A1CF: variants seen among roughly 807,000 people sequenced by gnomAD.
A1CF encodes the protein APOBEC-1 stimulating protein.
A1CF carries 48 observed loss-of-function variants against 68.9 expected under a neutral mutation model. The observed-to-expected ratio is 0.70, with a 90% CI of 0.55 to 0.89. A1CF has a LOEUF of 0.89. Ranked by LOEUF, A1CF falls within the 40% of genes least tolerant of loss-of-function variation. The pLI is 0.00. For missense variants in A1CF, 653 were observed against 718.9 expected (o/e 0.91, Z 1.05); for synonymous variants, 272 against 260.4 (o/e 1.04, Z -0.43).
In A1CF at chr10:50,800,545, G is replaced by A. The variant is rs1837557437; in HGVS notation, c.*6184C>T. The A allele has an allele frequency of 6.6e-6, 1 of 152,132 alleles. No individual in the cohort carries two copies. Among genetic ancestry groups the A allele is most frequent in the Non-Finnish European group, 1.5e-5 (1 of 68,022 alleles). The allele number at this position is 152,132 out of a possible 1,614,324, so 9.4% of individuals were successfully genotyped here. A position where few individuals can be genotyped will look rare whatever the true frequency, so the allele number is the denominator to read the frequency against. ...CATGGGACTGTGTGCCCCAATTAAA[G>A]AGAGAAGTAGGAAATATATGTATTT... On this transcript the variant is annotated 3_prime_UTR_variant, in exon 13 of 13. Transcript: ENST00000373997.
chr10:50,836,895 T>A (rs1041086682), intron 5 of A1CF, among the ~76,000 whole-genome samples: 1 of 152,086 alleles, frequency 6.6e-6, no homozygotes, highest in Non-Finnish European at 1.5e-5. Flanking sequence ...CTGCATAGCA[T>A]CTGCTTTCTT....
At chr10:50,841,821 A>G in intron 5 of A1CF, 41 bp downstream of exon 5, 2 of 1,606,486 alleles carry the variant, frequency 1.2e-6, no homozygotes, top group Non-Finnish European at 1.7e-6. Flanking sequence ...ACACAGGTGC[A>G]TTGTTTGTTT....
rs149386120 is a variant in A1CF, at chr10:50,829,891, G to T, written c.605-1596C>A. On this transcript the variant is annotated intron_variant, in intron 6 of 12. Coordinates refer to ENST00000373997, the MANE Select transcript of A1CF (RefSeq NM_014576.4). ...TGCAAAAATAGATGATTAAATTTTT[G>T]CATTTTTCCTTCCCATCTTTTTAAA... Among the ~76,000 whole-genome samples, 270 of 152,160 alleles carry T rather than the reference G, an allele frequency of 1.8e-3. 2 individuals are homozygous for T. Among genetic ancestry groups the T allele is most frequent in the Admixed American group, 2.6e-3 (39 of 15,274 alleles).
chr10:50,817,513 A>T (rs1838427626), intron 8 of A1CF, among the ~76,000 whole-genome samples: 1 of 152,192 alleles, frequency 6.6e-6, no homozygotes, highest in African/African-American at 2.4e-5. Flanking sequence ...GTGTCAAATA[A>T]GTTAGATGGA....
chr10:50,879,035 G>A (rs1841651809), intron 1 of A1CF, among the ~76,000 whole-genome samples: 1 of 152,080 alleles, frequency 6.6e-6, no homozygotes, highest in African/African-American at 2.4e-5. Flanking sequence ...ACAGGGCTTT[G>A]CCAGGCTAGT....
At chr10:50,878,079 G>A (rs551308975) in intron 1 of A1CF, among the ~76,000 whole-genome samples, 3 of 152,066 alleles carry the variant, frequency 2.0e-5, no homozygotes, top group African/African-American at 4.8e-5. Flanking sequence ...CTGAGATCAC[G>A]CTACTACACT....
chr10:50,835,807 C>G (rs544463304), intron 6 of A1CF, among the ~76,000 whole-genome samples: 2 of 147,324 alleles, frequency 1.4e-5, no homozygotes, highest in South Asian at 4.1e-4. Flanking sequence ...TAAGAAGACT[C>G]TTTATTCATC....
At chr10:50,818,931 C>T (rs535648031) in intron 8 of A1CF, among the ~76,000 whole-genome samples, 1 of 152,224 alleles carries the variant, frequency 6.6e-6, no homozygotes, top group Admixed American at 6.5e-5. Context: ...GCTCTCTGCT[C>T]TGGGAAGCTG....
At chr10:50,837,226 A>G (rs572767912) in intron 5 of A1CF, among the ~76,000 whole-genome samples, 2 of 152,330 alleles carry the variant, frequency 1.3e-5, no homozygotes, top group East Asian at 3.9e-4. Context: ...AAGAAATAAA[A>G]AGACTTGCTT....
rs556621217 is a variant in A1CF at position 50,843,138 on chromosome 10, G to A, written c.234+850C>T. 1.1e-4 allele frequency among the ~76,000 whole-genome samples: 16 copies of A among 152,262 alleles called. No individual in the cohort carries two copies. In the South Asian group the frequency reaches 1.5e-3, roughly 14 times the overall value. The stretch of plus-strand genomic sequence containing the variant: ...CAGCCTTACCCTAGCCCACCCTCAC[G>A]TATTCAGTAATGAACACCTATTTCT... On this transcript the variant is annotated intron_variant, in intron 4 of 12. Coordinates refer to ENST00000373997, the MANE Select transcript of A1CF (RefSeq NM_014576.4).
chr10:50,879,389 A>G lies in A1CF; in HGVS notation c.-94+6192T>C, dbSNP rs575162632. Among the ~76,000 whole-genome samples the G allele has an allele frequency of 5.3e-5, 8 of 152,278 alleles. No homozygotes were observed. The South Asian group carries it at 6.2e-4, about 12-fold the overall frequency. On this transcript the variant is annotated intron_variant, in intron 1 of 12. Transcript: ENST00000373997. ...TCACAATTACTTTTTATTTTTATCA[A>G]TGCCTCCATGGTTTATCCTGTCACT...
In A1CF at chr10:50,806,785, C is replaced by T. The variant is rs147929533; in HGVS notation, c.1705G>A (p.Glu569Lys). ...GQDLAAYTTYEVYPTFAVTAR... is the reference protein window; with the variant it reads ...GQDLAAYTTYKVYPTFAVTAR... Reference sequence around the variant, plus strand: ...GTCACTGCAAAAGTTGGGTAGACCTCATAGGTTGTATATGCTGCTAAGTCT... The same window carrying T: ...GTCACTGCAAAAGTTGGGTAGACCTTATAGGTTGTATATGCTGCTAAGTCT... The change falls in exon 13 of 13, where the codon GAG becomes AAG. Residue 569 changes from glutamate to lysine, a missense_variant. Coordinates refer to ENST00000373997, the MANE Select transcript of A1CF (RefSeq NM_014576.4). 4 of 1,613,136 alleles carry T rather than the reference C, an allele frequency of 2.5e-6. No homozygotes were observed. The African/African-American group carries it at 4.0e-5, about 16-fold the overall frequency.
At chr10:50,874,147 C>A (rs1009840823) in intron 1 of A1CF, among the ~76,000 whole-genome samples, 1 of 152,140 alleles carries the variant, frequency 6.6e-6, no homozygotes, top group Admixed American at 6.5e-5. Context: ...GTTACCTTAA[C>A]TCTTAGGAAA....
intron 8 of A1CF, among the ~76,000 whole-genome samples, 176 bp downstream of exon 8, chr10:50,820,376 A>C (rs1413739203): frequency 6.6e-6 from 1 of 152,220 alleles, no homozygotes; most frequent in East Asian, 1.9e-4. Flanking sequence ...TATTAGGTAC[A>C]TCTCCAACTT....
At chr10:50,865,362 C>G (rs1840939869) in intron 1 of A1CF, among the ~76,000 whole-genome samples, 1 of 152,048 alleles carries the variant, frequency 6.6e-6, no homozygotes, top group Non-Finnish European at 1.5e-5. Flanking sequence ...TCATAGGGTT[C>G]TTTGAGGATT....
At chr10:50,858,412 A>G (rs566789226) in intron 3 of A1CF, among the ~76,000 whole-genome samples, 2 of 152,126 alleles carry the variant, frequency 1.3e-5, no homozygotes, top group South Asian at 2.1e-4. Flanking sequence ...GTTGGGTATA[A>G]TAATTATACA....
At chr10:50,883,166 A>G (rs1370936273) in intron 1 of A1CF, among the ~76,000 whole-genome samples, 2 of 152,236 alleles carry the variant, frequency 1.3e-5, no homozygotes, top group Admixed American at 6.5e-5. Context: ...AAGGCCTAAT[A>G]GGTATACTTG....
intron 5 of A1CF, among the ~76,000 whole-genome samples, chr10:50,836,814 T>A (rs1839520617): frequency 6.6e-6 from 1 of 151,706 alleles, no homozygotes. Flanking sequence ...CTTGCGATAG[T>A]TTGCTGAGAA....
At chr10:50,809,827 T>C in intron 12 of A1CF, 67 bp downstream of exon 12, 1 of 1,592,838 alleles carries the variant, frequency 6.3e-7, no homozygotes, top group Non-Finnish European at 8.6e-7. Flanking sequence ...TGTGATTCAA[T>C]GGTACCAAAA....
Sources: gnomAD v4.1 joint callset for allele counts (sites outside exome capture counted in the v4.1 genomes callset) on GRCh38, gnomAD v4.1.1 for gene constraint, MANE v1.5 for transcripts, NCBI Gene and HGNC (gene_info 2026-07-23, HGNC 2026-07-21) for gene names.